Variants in ATRNL1 observed in about 807,000 individuals in gnomAD.
ATRNL1 encodes the protein attractin-like protein 1.
ATRNL1 carries 95 observed loss-of-function variants against 182.7 expected under a neutral mutation model. The observed-to-expected ratio is 0.52, with a 90% CI of 0.44 to 0.62. The LOEUF (loss-of-function observed/expected upper bound fraction) is 0.62. Among genes scored for constraint, ATRNL1 ranks in the 20% least tolerant of loss-of-function variants. The probability of loss-of-function intolerance (pLI) is 0.00; values close to 1 mark genes in which losing one functional copy is unlikely to be tolerated. For synonymous variants in ATRNL1, 576 were observed against 568.3 expected, an observed-to-expected ratio of 1.01 and a Z score of -0.19; for missense variants, 1,471 against 1,679.5, an observed-to-expected ratio of 0.88 and a Z score of 2.17.
intron 24 of ATRNL1, among the ~76,000 whole-genome samples, chr10:115,472,276 A>G (rs1327199795): frequency 4.0e-5 from 6 of 151,060 alleles, no homozygotes; most frequent in Admixed American, 6.6e-5. Flanking sequence ...ATCAGTAAGT[A>G]TGATGCCTCC....
chr10:115,555,741 A>C (rs916275979), intron 26 of ATRNL1, among the ~76,000 whole-genome samples: 7 of 151,978 alleles, frequency 4.6e-5, no homozygotes, highest in Admixed American at 1.3e-4. Context: ...ACACATGCAC[A>C]AGCATAATGT....
chr10:115,893,801 A>G (rs1287776195), intron 28 of ATRNL1, among the ~76,000 whole-genome samples: 1 of 152,180 alleles, frequency 6.6e-6, no homozygotes, highest in Non-Finnish European at 1.5e-5. Flanking sequence ...CCACGCAAAC[A>G]ATAATTTCTG....
At chr10:115,845,428 C>G (rs907313084) in intron 27 of ATRNL1, among the ~76,000 whole-genome samples, 2 of 152,050 alleles carry the variant, frequency 1.3e-5, no homozygotes, top group Admixed American at 6.6e-5. Context: ...GTTGCTAAGT[C>G]TCTGAAGTTT....
At chr10:115,854,228 G>A (rs570741961) in intron 28 of ATRNL1, among the ~76,000 whole-genome samples, 3 of 152,282 alleles carry the variant, frequency 2.0e-5, no homozygotes, top group Admixed American at 6.5e-5. Flanking sequence ...AGCAGTAATC[G>A]AGTGATAAAC....
chr10:115,522,974 C>T (rs1851022872), intron 25 of ATRNL1, among the ~76,000 whole-genome samples: 1 of 152,212 alleles, frequency 6.6e-6, no homozygotes, highest in African/African-American at 2.4e-5. Flanking sequence ...TAGGCAATCC[C>T]TGGTGGGTAC....
At chr10:115,696,882 A>T (rs1946578123) in intron 26 of ATRNL1, among the ~76,000 whole-genome samples, 1 of 150,380 alleles carries the variant, frequency 6.6e-6, no homozygotes, top group Admixed American at 6.6e-5. Flanking sequence ...AGAGAGAGAG[A>T]GAGAGAGAGA....
chr10:115,742,879 C>T (rs1948178149), intron 27 of ATRNL1, among the ~76,000 whole-genome samples: 1 of 152,016 alleles, frequency 6.6e-6, no homozygotes, highest in African/African-American at 2.4e-5. Flanking sequence ...AAAGACATAC[C>T]CCAGACTGGG....
chr10:115,690,411 G>A (rs1248705951), intron 26 of ATRNL1, among the ~76,000 whole-genome samples: 4 of 152,072 alleles, frequency 2.6e-5, no homozygotes, highest in Admixed American at 6.5e-5. Flanking sequence ...TAGGGTTCTC[G>A]CTCCTGTGAG....
At chr10:115,210,730 T>G (rs1210354236) in intron 8 of ATRNL1, among the ~76,000 whole-genome samples, 1 of 151,936 alleles carries the variant, frequency 6.6e-6, no homozygotes, top group East Asian at 1.9e-4. Context: ...ATAGTGTTCT[T>G]AATAGTATCT....
At chr10:115,420,365 G>A (rs1554961725) in intron 20 of ATRNL1, among the ~76,000 whole-genome samples, 2 of 151,920 alleles carry the variant, frequency 1.3e-5, no homozygotes, top group Non-Finnish European at 2.9e-5. Flanking sequence ...AAAAATCAAA[G>A]TCATATCAAG....
At chr10:115,827,041 A>T (rs189541562) in intron 27 of ATRNL1, among the ~76,000 whole-genome samples, 2 of 152,238 alleles carry the variant, frequency 1.3e-5, no homozygotes, top group African/African-American at 4.8e-5. Flanking sequence ...GCTACATATT[A>T]TCAAAATGTG....
At chr10:115,565,500 A>G (rs1399162183) in intron 26 of ATRNL1, among the ~76,000 whole-genome samples, 1 of 152,060 alleles carries the variant, frequency 6.6e-6, no homozygotes, top group Non-Finnish European at 1.5e-5. Flanking sequence ...GTACCATGTT[A>G]TTGTGTTGAG....
At chr10:115,534,389 G>C (rs552488951) in intron 25 of ATRNL1, among the ~76,000 whole-genome samples, 4,173 of 152,146 alleles carry the variant, frequency 0.027, 220 homozygotes, top group African/African-American at 0.096. Flanking sequence ...GATCTTTGTT[G>C]GTTTAAAGTC....
intron 28 of ATRNL1, among the ~76,000 whole-genome samples, chr10:115,932,048 C>A (rs1555121748): frequency 1.3e-5 from 2 of 152,216 alleles, no homozygotes; most frequent in Non-Finnish European, 1.5e-5. Context: ...AGTGCTGACT[C>A]TTTCTGACAC....
chr10:115,479,608 T>C (rs761674067), intron 24 of ATRNL1, among the ~76,000 whole-genome samples: 1 of 151,416 alleles, frequency 6.6e-6, no homozygotes, highest in African/African-American at 2.4e-5. Context: ...GTGAGACATA[T>C]AGCAGTGTTA....
At chr10:115,603,622 G>A (rs1856726821) in intron 26 of ATRNL1, among the ~76,000 whole-genome samples, 1 of 151,840 alleles carries the variant, frequency 6.6e-6, no homozygotes, top group Admixed American at 6.6e-5. Context: ...TTATACTATT[G>A]TGTCATACAT....
At chr10:115,589,680 C>T (rs1286649276) in intron 26 of ATRNL1, among the ~76,000 whole-genome samples, 2 of 152,068 alleles carry the variant, frequency 1.3e-5, no homozygotes, top group African/African-American at 2.4e-5. Context: ...TAATTTTTAA[C>T]AAAAATTTAG....
intron 27 of ATRNL1, among the ~76,000 whole-genome samples, chr10:115,785,783 C>T (rs1186375941): frequency 6.6e-6 from 1 of 152,174 alleles, no homozygotes; most frequent in Non-Finnish European, 1.5e-5. Context: ...TTCCCTCTCG[C>T]ATTTTACCAT....
chr10:115,362,474 G>A (rs1856794838), intron 19 of ATRNL1, among the ~76,000 whole-genome samples: 2 of 150,538 alleles, frequency 1.3e-5, no homozygotes, highest in South Asian at 4.2e-4. Flanking sequence ...TTTGTTATGA[G>A]AACATTTAAA....
Sources: gnomAD v4.1 joint callset for allele counts (sites outside exome capture counted in the v4.1 genomes callset) on GRCh38, gnomAD v4.1.1 for gene constraint, MANE v1.5 for transcripts, NCBI Gene and HGNC (gene_info 2026-07-23, HGNC 2026-07-21) for gene names.